The following CIRSR variants were observed in gnomAD, a reference collection of about 807,000 sequenced individuals.
The protein encoded by CIRSR is corepressor of RBPJ and splicing regulator, also known as CBF1 (RBPJ) interacting corepressor 1.
At chr2:174,386,338 G>C in the CIRSR span, among the ~76,000 whole-genome samples, 1 of 151,998 alleles carries the variant, frequency 6.6e-6, no homozygotes, top group Non-Finnish European at 1.5e-5. Flanking sequence ...TGCACTACCA[G>C]GTTTGGCTAA....
chr2:174,355,170 C>A, the CIRSR span, among the ~76,000 whole-genome samples: 2 of 152,198 alleles, frequency 1.3e-5, no homozygotes, highest in East Asian at 3.9e-4. Context: ...GACTCCAGAT[C>A]TTTTGAGAAC....
the CIRSR span, among the ~76,000 whole-genome samples, chr2:174,352,982 G>A: frequency 6.6e-6 from 1 of 152,190 alleles, no homozygotes; most frequent in Admixed American, 6.5e-5. Context: ...ATCATGGAAA[G>A]CAAAAGGCAA....
At chr2:174,375,975 A>T in the CIRSR span, among the ~76,000 whole-genome samples, 1 of 152,134 alleles carries the variant, frequency 6.6e-6, no homozygotes, top group South Asian at 2.1e-4. Context: ...CTCCTGCCTC[A>T]GCCTCTCAAG....
the CIRSR span, chr2:174,348,551 T>C: frequency 2.5e-6 from 4 of 1,614,040 alleles, no homozygotes; most frequent in Non-Finnish European, 2.5e-6. Flanking sequence ...CTCTGTACAT[T>C]TTTTCTCCTC....
At chr2:174,349,232 A>AT in the CIRSR span, 1 of 899,954 alleles carries the variant, frequency 1.1e-6, no homozygotes, top group Non-Finnish European at 1.6e-6. Context: ...CATCAACTGT[A>AT]AGTTATGAAC....
chr2:174,384,338 GTAGAA>G, the CIRSR span, among the ~76,000 whole-genome samples: 2 of 152,206 alleles, frequency 1.3e-5, no homozygotes, highest in Admixed American at 1.3e-4. Context: ...GACACAGAAA[GTAGAA>G]TGGTGGTTGC....
At chr2:174,376,586 A>G in the CIRSR span, among the ~76,000 whole-genome samples, 1 of 151,228 alleles carries the variant, frequency 6.6e-6, no homozygotes, top group Non-Finnish European at 1.5e-5. Context: ...TCATGAGGTC[A>G]GGAGATCAAG....
the CIRSR span, among the ~76,000 whole-genome samples, chr2:174,372,842 G>A: frequency 3.3e-5 from 5 of 152,178 alleles, no homozygotes; most frequent in Admixed American, 3.3e-4. Flanking sequence ...TTGGCCTCCC[G>A]AAGAGTTGGG....
chr2:174,349,014 T>A, the CIRSR span: 5 of 1,597,810 alleles, frequency 3.1e-6, no homozygotes, highest in South Asian at 5.7e-5. Flanking sequence ...ACTCTCACTC[T>A]CACTACTGCT....
chr2:174,361,867 A>C, the CIRSR span, among the ~76,000 whole-genome samples: 1 of 152,168 alleles, frequency 6.6e-6, no homozygotes, highest in Non-Finnish European at 1.5e-5. Flanking sequence ...TTTTTTTAAA[A>C]GCAATTTTGT....
At chr2:174,348,537 T>C in the CIRSR span, 1 of 1,614,036 alleles carries the variant, frequency 6.2e-7, no homozygotes, top group Non-Finnish European at 8.5e-7. Context: ...ACCTCCTGGG[T>C]GCTCTCTGTA....
chr2:174,359,400 T>C, the CIRSR span, among the ~76,000 whole-genome samples: 3 of 152,078 alleles, frequency 2.0e-5, no homozygotes, highest in Non-Finnish European at 4.4e-5. Context: ...TATGGTACTG[T>C]AGCCACTCAT....
the CIRSR span, among the ~76,000 whole-genome samples, chr2:174,356,831 T>C: frequency 0.011 from 1,724 of 152,322 alleles, 12 homozygotes; most frequent in Non-Finnish European, 0.018. Flanking sequence ...TTTAACTTTA[T>C]ACTACGGAAA....
the CIRSR span, among the ~76,000 whole-genome samples, chr2:174,356,430 C>T: frequency 6.6e-6 from 1 of 151,634 alleles, no homozygotes; most frequent in Non-Finnish European, 1.5e-5. Flanking sequence ...GATCTCACCA[C>T]TGCACTCCGG....
At chr2:174,370,867 A>G in the CIRSR span, among the ~76,000 whole-genome samples, 1 of 150,290 alleles carries the variant, frequency 6.7e-6, no homozygotes, top group Non-Finnish European at 1.5e-5. Context: ...GCCAAGATCG[A>G]GCCACTGCAA....
the CIRSR span, among the ~76,000 whole-genome samples, chr2:174,379,698 T>C: frequency 6.7e-6 from 1 of 148,406 alleles, no homozygotes; most frequent in Non-Finnish European, 1.5e-5. Flanking sequence ...GCTCTCACTA[T>C]AAAAGTTTGA....
chr2:174,395,339 G>A, the CIRSR span, among the ~76,000 whole-genome samples: 4 of 152,194 alleles, frequency 2.6e-5, no homozygotes, highest in African/African-American at 9.7e-5. Context: ...GATTCTCTAG[G>A]CCACCGGTCT....
the CIRSR span, among the ~76,000 whole-genome samples, chr2:174,382,659 A>G: frequency 6.6e-6 from 1 of 152,006 alleles, no homozygotes; most frequent in Non-Finnish European, 1.5e-5. Flanking sequence ...ATAGCAAAAA[A>G]GTCTACACAT....
the CIRSR span, among the ~76,000 whole-genome samples, chr2:174,365,038 T>C: frequency 1.3e-5 from 2 of 152,172 alleles, no homozygotes; most frequent in Admixed American, 1.3e-4. Flanking sequence ...TTTCCAAACT[T>C]TCATGCTCTG....
Sources: allele counts gnomAD v4.1 joint callset (sites outside exome capture counted in the v4.1 genomes callset), GRCh38; gene constraint gnomAD v4.1.1; transcripts MANE v1.5; gene names NCBI Gene and HGNC (gene_info 2026-07-23, HGNC 2026-07-21).